Variants in DOK6 observed in about 807,000 individuals in gnomAD.
DOK6 encodes docking protein 6, also known as downstream of tyrosine kinase 6.
In DOK6, 22 loss-of-function variants were observed where a neutral mutation model predicts 44.0. The observed-to-expected ratio is 0.50, with a 90% confidence interval of 0.36 to 0.71. DOK6 has a LOEUF of 0.71. Among genes scored for constraint, DOK6 ranks in the 30% least tolerant of loss-of-function variants. DOK6 has a pLI of 0.00. For synonymous variants in DOK6, 166 were observed against 145.5 expected (o/e 1.14, Z -1.01); for missense variants, 340 against 416.4 (o/e 0.82, Z 1.60).
chr18:69,522,168 C>A (rs1255196217), intron 1 of DOK6, among the ~76,000 whole-genome samples: 1 of 151,628 alleles, frequency 6.6e-6, no homozygotes, highest in African/African-American at 2.4e-5. Flanking sequence ...TTTATGTTTG[C>A]GTGCCATTTA....
At chr18:69,722,031 G>A (rs531396980) in intron 5 of DOK6, among the ~76,000 whole-genome samples, 116 of 152,226 alleles carry the variant, frequency 7.6e-4, no homozygotes, top group Admixed American at 2.4e-3. Context: ...ATGATAACTC[G>A]TGGGAAACCG....
chr18:69,823,396 G>T (rs538980500), intron 7 of DOK6, among the ~76,000 whole-genome samples: 21 of 152,062 alleles, frequency 1.4e-4, no homozygotes, highest in Non-Finnish European at 2.5e-4. Flanking sequence ...AGAAAAAATG[G>T]TAATTAGCAT....
At chr18:69,670,078 A>ATATT (rs150903955) in intron 3 of DOK6, among the ~76,000 whole-genome samples, 375 of 152,170 alleles carry the variant, frequency 2.5e-3, no homozygotes, top group African/African-American at 8.0e-3. Flanking sequence ...TTTTTTGAAC[A>ATATT]TATTTATTTA....
intron 5 of DOK6, among the ~76,000 whole-genome samples, chr18:69,725,230 C>T (rs1460480796): frequency 3.3e-5 from 5 of 152,276 alleles, no homozygotes; most frequent in East Asian, 1.9e-4. Context: ...GCAGCTTTCC[C>T]GATCACCACC....
chr18:69,528,080 T>G (rs757743879), intron 1 of DOK6, among the ~76,000 whole-genome samples: 5 of 151,334 alleles, frequency 3.3e-5, no homozygotes, highest in African/African-American at 9.7e-5. Flanking sequence ...GGAGAATGGC[T>G]TGAACCCGGG....
chr18:69,674,831 T>A (rs1274045145), intron 3 of DOK6, among the ~76,000 whole-genome samples: 1 of 152,106 alleles, frequency 6.6e-6, no homozygotes, highest in Non-Finnish European at 1.5e-5. Context: ...GACTCTATGA[T>A]TATTGAGAGC....
At chr18:69,700,968 A>T (rs1452654514) in intron 5 of DOK6, among the ~76,000 whole-genome samples, 1 of 152,236 alleles carries the variant, frequency 6.6e-6, no homozygotes, top group South Asian at 2.1e-4. Context: ...CTATTTATTT[A>T]TACTACTATA....
At chr18:69,439,544 G>A (rs543589907) in intron 1 of DOK6, among the ~76,000 whole-genome samples, 17 of 152,270 alleles carry the variant, frequency 1.1e-4, no homozygotes, top group East Asian at 5.8e-4. Context: ...TAGATCTTCC[G>A]GATAACTTGC....
At chr18:69,684,887 G>T (rs1986117738) in intron 4 of DOK6, among the ~76,000 whole-genome samples, 1 of 152,126 alleles carries the variant, frequency 6.6e-6, no homozygotes, top group South Asian at 2.1e-4. Flanking sequence ...CTGGACCCCA[G>T]ATATTATCTG....
chr18:69,586,057 A>C (rs922119671), intron 2 of DOK6, among the ~76,000 whole-genome samples: 1 of 152,178 alleles, frequency 6.6e-6, no homozygotes, highest in African/African-American at 2.4e-5. Context: ...ATCCTGGCCA[A>C]CTCATGGTAG....
intron 1 of DOK6, among the ~76,000 whole-genome samples, chr18:69,445,810 C>T (rs1979269797): frequency 6.6e-6 from 1 of 152,062 alleles, no homozygotes; most frequent in Non-Finnish European, 1.5e-5. Context: ...CACTTGAGCC[C>T]AGTAGTCCAA....
At chr18:69,574,664 G>A (rs1379583986) in intron 2 of DOK6, among the ~76,000 whole-genome samples, 1 of 152,008 alleles carries the variant, frequency 6.6e-6, no homozygotes, top group Non-Finnish European at 1.5e-5. Context: ...TGGGAAAGAT[G>A]AGCCCAAAAA....
intron 5 of DOK6, among the ~76,000 whole-genome samples, chr18:69,734,829 A>G (rs1978549163): frequency 6.6e-6 from 1 of 152,158 alleles, no homozygotes; most frequent in Non-Finnish European, 1.5e-5. Flanking sequence ...AAATGTCTCC[A>G]TAATTTTTGA....
intron 2 of DOK6, among the ~76,000 whole-genome samples, chr18:69,566,175 TCAC>T (rs1209024686): frequency 6.6e-6 from 1 of 152,056 alleles, no homozygotes; most frequent in Non-Finnish European, 1.5e-5. Flanking sequence ...TCTGGCTCTG[TCAC>T]CCAGGCTGGA....
intron 1 of DOK6, among the ~76,000 whole-genome samples, chr18:69,535,309 A>T (rs1217184759): frequency 6.6e-6 from 1 of 151,836 alleles, no homozygotes; most frequent in East Asian, 1.9e-4. Context: ...AAAACTTATA[A>T]TTTTCTCTTA....
At chr18:69,541,424 TGA>T (rs1982265770) in intron 1 of DOK6, among the ~76,000 whole-genome samples, 2 of 151,514 alleles carry the variant, frequency 1.3e-5, no homozygotes, top group African/African-American at 4.8e-5. Flanking sequence ...CCACAAAGAC[TGA>T]GTGCATTATT....
intron 1 of DOK6, among the ~76,000 whole-genome samples, chr18:69,563,146 A>C (rs1426022237): frequency 1.3e-5 from 2 of 152,158 alleles, no homozygotes; most frequent in Non-Finnish European, 2.9e-5. Flanking sequence ...AAAAGTCAGG[A>C]AACAACAGGT....
chr18:69,772,567 A>G (rs1040432186), intron 7 of DOK6, among the ~76,000 whole-genome samples: 1 of 152,144 alleles, frequency 6.6e-6, no homozygotes, highest in African/African-American at 2.4e-5. Flanking sequence ...GCAACATTAT[A>G]AAGCCAACTG....
chr18:69,832,669 T>G (rs1212903995), intron 7 of DOK6: 2 of 152,120 alleles, frequency 1.3e-5, no homozygotes, highest in African/African-American at 4.8e-5. Context: ...TGGAAGACTT[T>G]TATTACTCCT....
Sources: gnomAD v4.1 joint callset for allele counts (sites outside exome capture counted in the v4.1 genomes callset) on GRCh38, gnomAD v4.1.1 for gene constraint, MANE v1.5 for transcripts, NCBI Gene and HGNC (gene_info 2026-07-23, HGNC 2026-07-21) for gene names.